The following INTS7 variants were observed in gnomAD, a reference collection of about 807,000 sequenced individuals.
INTS7 encodes integrator complex subunit 7.
INTS7 carries 46 observed loss-of-function variants against 109.2 expected under a neutral mutation model. The ratio of observed to expected loss-of-function variants is 0.42; its 90% CI spans 0.33 to 0.54. The LOEUF is 0.54. Ranked by LOEUF, INTS7 falls within the 20% of genes least tolerant of loss-of-function variation. The probability of loss-of-function intolerance (pLI) is 0.07; values close to 1 mark genes in which losing one functional copy is unlikely to be tolerated. For synonymous variants in INTS7, 412 were observed against 402.9 expected (o/e 1.02, Z -0.27); for missense variants, 929 against 1,132.4 (o/e 0.82, Z 2.58).
intron 7 of INTS7, among the ~76,000 whole-genome samples, chr1:211,996,923 T>C (rs755068152): frequency 4.6e-5 from 7 of 151,778 alleles, no homozygotes; most frequent in East Asian, 1.9e-4. Context: ...CCTTGGTAGG[T>C]TGAAGTGTGA....
At chr1:211,952,435 G>T (rs906259993) in intron 17 of INTS7, 134 bp downstream of exon 17, 2 of 792,346 alleles carry the variant, frequency 2.5e-6, no homozygotes. Flanking sequence ...TGTGAGGTAG[G>T]TATTAACCCT....
At chr1:211,968,081 TTC>T in intron 14 of INTS7, 100 bp from the exon 15 acceptor site, 1 of 595,988 alleles carries the variant, frequency 1.7e-6, no homozygotes, top group East Asian at 3.1e-5. Context: ...ACAATAACAA[TTC>T]AAAAAAAATA....
chr1:212,025,471 A>G (rs1400723521), intron 1 of INTS7: 1 of 151,668 alleles, frequency 6.6e-6, no homozygotes, highest in Non-Finnish European at 1.5e-5. Context: ...ACTAAATCTG[A>G]TATTTAAAAA....
chr1:211,997,528 G>GGA (rs1665456103), intron 7 of INTS7, among the ~76,000 whole-genome samples: 2 of 58,958 alleles, frequency 3.4e-5, no homozygotes, highest in Non-Finnish European at 5.9e-5. Context: ...TCTCCAAACA[G>GGA]AAAAAAAAAA....
intron 17 of INTS7, among the ~76,000 whole-genome samples, chr1:211,948,029 A>AT (rs1436025036): frequency 2.6e-5 from 4 of 152,252 alleles, no homozygotes; most frequent in East Asian, 1.9e-4. Flanking sequence ...TATCTCTAAT[A>AT]TTTTTCCCAC....
chr1:211,989,986 G>A (rs1274873402), intron 7 of INTS7, among the ~76,000 whole-genome samples: 2 of 152,054 alleles, frequency 1.3e-5, no homozygotes, highest in Admixed American at 6.6e-5. Context: ...ATTGACCAAG[G>A]TTAAAGTTTG....
intron 16 of INTS7, among the ~76,000 whole-genome samples, chr1:211,960,178 T>C (rs1663553104): frequency 6.6e-6 from 1 of 152,036 alleles, no homozygotes; most frequent in Non-Finnish European, 1.5e-5. Flanking sequence ...GAGCAGGTAG[T>C]CCAGGAGTTA....
At chr1:212,010,787 C>T (rs546133153) in intron 5 of INTS7, among the ~76,000 whole-genome samples, 18 of 152,240 alleles carry the variant, frequency 1.2e-4, no homozygotes, top group Non-Finnish European at 2.2e-4. Flanking sequence ...ATAGGCTATA[C>T]CATACAGCCT....
rs2102429432 is a variant in INTS7, at chr1:211,982,691, A to G, written c.1117T>C (p.Ser373Pro). The G allele has an allele frequency of 6.2e-7, 1 of 1,605,786 alleles. No homozygotes were observed. Among genetic ancestry groups the G allele is most frequent in the Non-Finnish European group, 8.5e-7 (1 of 1,175,810 alleles). The change falls in exon 9 of 20, where the codon TCT becomes CCT. Residue 373 changes from serine (S) to proline (P), a missense_variant. Ser to Pro is a moderately conservative substitution (Grantham distance 74, BLOSUM62 -1). Transcript: ENST00000366994. The stretch of plus-strand genomic sequence containing the variant: ...TCAAACTTACCCTTTTCTTGACAAG[A>G]AACAGTTATATTAGTTAGGACTCTA... ...GVRVLTNITVSCQEKDLLALE... is the reference protein window; with the variant it reads ...GVRVLTNITVPCQEKDLLALE...
At chr1:211,953,179 A>G (rs1398573932) in intron 16 of INTS7, among the ~76,000 whole-genome samples, 2 of 152,210 alleles carry the variant, frequency 1.3e-5, no homozygotes, top group Non-Finnish European at 2.9e-5. Context: ...AGAGATGGAA[A>G]GTACAGGACA....
intron 7 of INTS7, among the ~76,000 whole-genome samples, chr1:212,003,240 AAT>A (rs1227070313): frequency 2.0e-5 from 3 of 151,852 alleles, no homozygotes; most frequent in Non-Finnish European, 4.4e-5. Flanking sequence ...TTTAAAAAGA[AAT>A]TCGCAACTAG....
intron 13 of INTS7, among the ~76,000 whole-genome samples, chr1:211,973,668 C>CA (rs1292150406): frequency 6.6e-6 from 1 of 152,070 alleles, no homozygotes; most frequent in African/African-American, 2.4e-5. Flanking sequence ...AAAAAGTCCT[C>CA]AAAAAAACCC....
intron 16 of INTS7, among the ~76,000 whole-genome samples, chr1:211,965,273 C>CTAT (rs1316792184): frequency 6.6e-6 from 1 of 151,660 alleles, no homozygotes; most frequent in Non-Finnish European, 1.5e-5. Flanking sequence ...GTCAGAATGG[C>CTAT]TATTATTACA....
At position 212,002,453 on chromosome 1, in the gene INTS7, T is replaced by C. The variant is rs538082659; in HGVS notation, c.879+4186A>G. Reference sequence around the variant, plus strand: ...CATGTAGAGTAAAAAGCTAAAGTCCTTAAGAAGGACTCAAAGGCCCTAAAT... The same window carrying C: ...CATGTAGAGTAAAAAGCTAAAGTCCCTAAGAAGGACTCAAAGGCCCTAAAT... On this transcript the variant is annotated intron_variant, in intron 7 of 19. Transcript: ENST00000366994. Among the ~76,000 whole-genome samples the C allele has an allele frequency of 2.0e-5, 3 of 152,320 alleles. No homozygotes were observed. The South Asian group carries it at 6.2e-4, about 32-fold the overall frequency.
chr1:212,030,813 GT>G (rs2102506558), intron 1 of INTS7: 1 of 152,230 alleles, frequency 6.6e-6, no homozygotes, highest in East Asian at 1.9e-4. Flanking sequence ...CCTCATATTT[GT>G]TTACTGAAAC....
intron 7 of INTS7, among the ~76,000 whole-genome samples, chr1:212,004,056 C>A (rs2102463815): frequency 6.6e-6 from 1 of 152,210 alleles, no homozygotes; most frequent in South Asian, 2.1e-4. Context: ...TAAAAATAAT[C>A]CAATTAGTCC....
intron 16 of INTS7, among the ~76,000 whole-genome samples, chr1:211,955,421 C>T (rs1461101829): frequency 1.3e-5 from 2 of 152,128 alleles, no homozygotes. Flanking sequence ...CCAGAACTTC[C>T]AACACTATGT....
intron 7 of INTS7, among the ~76,000 whole-genome samples, chr1:212,005,272 T>C (rs1451498244): frequency 6.6e-6 from 1 of 152,078 alleles, no homozygotes; most frequent in Admixed American, 6.5e-5. Context: ...TAGGAAGACA[T>C]GTGAAGAAGG....
chr1:211,968,793 G>C lies in INTS7; in HGVS notation c.1816-86C>G, dbSNP rs114953624. 1,453 of 954,470 alleles carry C rather than the reference G, an allele frequency of 1.5e-3. 8 individuals carry two copies. In the African/African-American group the frequency reaches 0.02, roughly 13 times the overall value. The allele number at this position is 954,470 out of a possible 1,614,324, so 59.1% of individuals were successfully genotyped here. On this transcript the variant is annotated intron_variant, in intron 13 of 19. Coordinates refer to ENST00000366994, the MANE Select transcript of INTS7 (RefSeq NM_015434.4). The stretch of plus-strand genomic sequence containing the variant: ...AGTACCAAGTATTTATCAGTTTGTG[G>C]TCAAGTGCAGTAGTTCTCTAAAAAC...
Sources: gnomAD v4.1 joint callset for allele counts (sites outside exome capture counted in the v4.1 genomes callset) on GRCh38, gnomAD v4.1.1 for gene constraint, MANE v1.5 for transcripts, NCBI Gene and HGNC (gene_info 2026-07-23, HGNC 2026-07-21) for gene names.